KATNIP: variants seen among roughly 807,000 people sequenced by gnomAD.
KATNIP encodes katanin-interacting protein.
In KATNIP, 126 loss-of-function variants were observed where a neutral mutation model predicts 174.0. The observed-to-expected ratio is 0.72, with a 90% confidence interval of 0.63 to 0.84. The LOEUF (loss-of-function observed/expected upper bound fraction) is 0.84. Ranked by LOEUF, KATNIP falls within the 40% of genes least tolerant of loss-of-function variation. The probability of loss-of-function intolerance (pLI) is 0.00; values close to 1 mark genes in which losing one functional copy is unlikely to be tolerated. For synonymous variants in KATNIP, 810 were observed against 835.7 expected, an observed-to-expected ratio of 0.97 and a Z score of 0.53; for missense variants, 1,958 against 2,109.7, an observed-to-expected ratio of 0.93 and a Z score of 1.41.
At position 27,637,455 on chromosome 16, in the gene KATNIP, C is replaced by T. The variant is rs1004025502; in HGVS notation, c.408+6293C>T. Among the ~76,000 whole-genome samples the T allele has an allele frequency of 1.2e-4, 19 of 152,076 alleles. No individual in the cohort carries two copies. The highest frequency in any genetic ancestry group is 4.3e-4 in the African/African-American group (18 of 41,410). On this transcript the variant is annotated intron_variant, in intron 5 of 27. Coordinates refer to ENST00000261588, the MANE Select transcript of KATNIP (RefSeq NM_015202.5). This position sits in a 1 kb window ranked among gnomAD's most constrained non-coding sequence, Gnocchi z 4.7. ...GCAAGGGAGTCGGAAGACAGTGCTA[C>T]GAAGGAAGGACAGAGGACAGCAGCC...
At chr16:27,711,689 G>T (rs984699213) in intron 13 of KATNIP, among the ~76,000 whole-genome samples, 22 of 152,186 alleles carry the variant, frequency 1.4e-4, no homozygotes, top group Non-Finnish European at 2.8e-4. Flanking sequence ...CTTAGAAAAG[G>T]TGTAATATAT....
At chr16:27,690,872 TAC>T (rs1226486129) in intron 8 of KATNIP, among the ~76,000 whole-genome samples, 5 of 152,150 alleles carry the variant, frequency 3.3e-5, no homozygotes, top group African/African-American at 1.2e-4. Context: ...CACATATGAA[TAC>T]TGTTCCAGGG....
chr16:27,617,025 C>T (rs1215207343), intron 2 of KATNIP, among the ~76,000 whole-genome samples: 1 of 145,868 alleles, frequency 6.9e-6, no homozygotes, highest in Non-Finnish European at 1.5e-5. Flanking sequence ...TATCAAATTA[C>T]AATAGCAGTT....
intron 1 of KATNIP, among the ~76,000 whole-genome samples, chr16:27,556,267 C>G (rs989067712): frequency 6.6e-6 from 1 of 152,226 alleles, no homozygotes; most frequent in South Asian, 2.1e-4. Context: ...AATTAGCACA[C>G]TCTTTGCTTA....
chr16:27,638,169 C>T (rs2076691675), intron 5 of KATNIP, among the ~76,000 whole-genome samples: 1 of 152,182 alleles, frequency 6.6e-6, no homozygotes, highest in Non-Finnish European at 1.5e-5. Flanking sequence ...GAGGCACCCC[C>T]TCCTACCTCC....
intron 5 of KATNIP, among the ~76,000 whole-genome samples, chr16:27,640,830 C>T (rs765413592): frequency 1.7e-4 from 26 of 152,000 alleles, no homozygotes; most frequent in Non-Finnish European, 3.1e-4. Flanking sequence ...AAAGGGAAGA[C>T]GGGAAAACCA....
intron 5 of KATNIP, 59 bp from the exon 6 acceptor site, chr16:27,648,545 C>T (rs2077028808): frequency 1.9e-6 from 3 of 1,600,142 alleles, no homozygotes; most frequent in Non-Finnish European, 2.6e-6. Flanking sequence ...AGTCCCTGCC[C>T]CGCAGAGGAA....
At chr16:27,623,268 T>C (rs536492256) in intron 3 of KATNIP, among the ~76,000 whole-genome samples, 63 of 152,300 alleles carry the variant, frequency 4.1e-4, no homozygotes, top group Non-Finnish European at 6.9e-4. Flanking sequence ...CAAATCCAGG[T>C]TGGAGGTTTC....
chr16:27,745,967 T>TC (rs2081279721), intron 15 of KATNIP, among the ~76,000 whole-genome samples: 1 of 145,958 alleles, frequency 6.9e-6, no homozygotes, highest in East Asian at 2.0e-4. Context: ...CTTTTTTTTT[T>TC]TTTTTTTTTT....
intron 1 of KATNIP, among the ~76,000 whole-genome samples, chr16:27,573,695 T>C (rs917958754): frequency 6.6e-6 from 1 of 152,080 alleles, no homozygotes; most frequent in African/African-American, 2.4e-5. Flanking sequence ...TCAAATAATG[T>C]AAGTGTGTGA....
intron 18 of KATNIP, among the ~76,000 whole-genome samples, chr16:27,760,426 G>A (rs1370989145): frequency 6.6e-6 from 1 of 152,212 alleles, no homozygotes; most frequent in Non-Finnish European, 1.5e-5. Flanking sequence ...TGACATCTGG[G>A]CTGTTTTGCC....
intron 4 of KATNIP, 36 bp downstream of exon 4, chr16:27,628,866 G>C (rs2076405975): frequency 1.2e-6 from 2 of 1,607,614 alleles, no homozygotes; most frequent in African/African-American, 2.7e-5. Context: ...TCTCAGCTCT[G>C]TTAATCAAAA....
chr16:27,656,189 G>A (rs2077277861), intron 6 of KATNIP, among the ~76,000 whole-genome samples: 1 of 152,090 alleles, frequency 6.6e-6, no homozygotes, highest in Non-Finnish European at 1.5e-5. Flanking sequence ...CCTTTGGGAG[G>A]CCGAGGTGGT....
intron 3 of KATNIP, among the ~76,000 whole-genome samples, chr16:27,627,141 CAG>C (rs753374251): frequency 6.6e-6 from 1 of 152,178 alleles, no homozygotes; most frequent in Admixed American, 6.5e-5. Context: ...CAGACACGTG[CAG>C]AGAGGCAACA....
At chr16:27,639,220 C>A (rs1036043179) in intron 5 of KATNIP, among the ~76,000 whole-genome samples, 7 of 152,198 alleles carry the variant, frequency 4.6e-5, no homozygotes, top group Non-Finnish European at 1.0e-4. Flanking sequence ...ACCTGTAAAA[C>A]CCTTCCCAAG....
chr16:27,771,691 C>T (rs2082310368), intron 22 of KATNIP, 39 bp downstream of exon 22: 1 of 1,603,778 alleles, frequency 6.2e-7, no homozygotes, highest in East Asian at 2.2e-5. Context: ...CATTCTGGGC[C>T]CCGAGGCAGC....
rs368825919 is a variant in KATNIP, at chr16:27,773,149, G to A, written c.4249G>A (p.Gly1417Ser). Residue 1417 changes from glycine to serine, a missense_variant, in exon 23 of 28, where the codon GGC becomes AGC. Transcript: ENST00000261588. ...LTSWGDPYYI[G>S]LTGLELYDER... Reference sequence around the variant, plus strand: ...CAGCTGGGGCGACCCCTACTACATCGGCCTCACCGGCCTGGAGCTGTATGA... The same window carrying A: ...CAGCTGGGGCGACCCCTACTACATCAGCCTCACCGGCCTGGAGCTGTATGA... 19 of 1,612,492 alleles carry A rather than the reference G, an allele frequency of 1.2e-5. No homozygotes were observed. The highest frequency in any genetic ancestry group is 4.5e-5 in the East Asian group (2 of 44,886).
At chr16:27,628,252 T>G (rs942582978) in intron 3 of KATNIP, among the ~76,000 whole-genome samples, 30 of 152,376 alleles carry the variant, frequency 2.0e-4, no homozygotes, top group Admixed American at 4.6e-4. Flanking sequence ...AACCCCTTTT[T>G]GTTACACATC....
intron 18 of KATNIP, among the ~76,000 whole-genome samples, chr16:27,757,017 C>G (rs533760363): frequency 1.4e-4 from 21 of 152,346 alleles, no homozygotes; most frequent in African/African-American, 2.2e-4. Context: ...CAACTACTAT[C>G]CCAGAATTAG....
Sources: gnomAD v4.1 joint callset for allele counts (sites outside exome capture counted in the v4.1 genomes callset) on GRCh38, gnomAD v4.1.1 for gene constraint, Gnocchi (gnomAD v3.1) non-coding constraint, MANE v1.5 for transcripts, NCBI Gene and HGNC (gene_info 2026-07-23, HGNC 2026-07-21) for gene names.